The following SEC23IP variants were observed in gnomAD, a reference collection of about 807,000 sequenced individuals.
SEC23IP encodes SEC23-interacting protein.
Under a neutral mutation model 113.4 loss-of-function variants are expected in SEC23IP, and 70 were observed. The observed-to-expected ratio is 0.62, with a 90% confidence interval of 0.51 to 0.75. The LOEUF is 0.75. Among genes scored for constraint, SEC23IP ranks in the 30% least tolerant of loss-of-function variants. The pLI, the probability that SEC23IP is intolerant of heterozygous loss-of-function variation, is 0.00. For missense variants in SEC23IP, 1,160 were observed against 1,204.9 expected (o/e 0.96, Z 0.55); for synonymous variants, 398 against 421.0 (o/e 0.95, Z 0.67).
At chr10:119,908,816 G>C (rs769377091) in intron 4 of SEC23IP, among the ~76,000 whole-genome samples, 3 of 152,040 alleles carry the variant, frequency 2.0e-5, no homozygotes, top group Non-Finnish European at 2.9e-5. Flanking sequence ...TCTAAAACTT[G>C]GTTTTCTTCA....
At chr10:119,919,079 C>T (rs61867989) in intron 10 of SEC23IP, among the ~76,000 whole-genome samples, 5 of 149,268 alleles carry the variant, frequency 3.3e-5, no homozygotes, top group East Asian at 2.0e-4. Context: ...CTGCAACCTC[C>T]GCCTTTCGGT....
chr10:119,908,532 G>A (rs1854754362), intron 4 of SEC23IP, among the ~76,000 whole-genome samples: 1 of 152,198 alleles, frequency 6.6e-6, no homozygotes. Flanking sequence ...CTTGTGATGT[G>A]AAGACAGACA....
At chr10:119,898,049 GA>G (rs1254583324) in intron 1 of SEC23IP, among the ~76,000 whole-genome samples, 1 of 151,162 alleles carries the variant, frequency 6.6e-6, no homozygotes, top group Non-Finnish European at 1.5e-5. Flanking sequence ...AGTAAGTATA[GA>G]TTTTGTTTCT....
intron 18 of SEC23IP, among the ~76,000 whole-genome samples, chr10:119,938,292 G>A (rs990674748): frequency 6.6e-6 from 1 of 152,138 alleles, no homozygotes. Flanking sequence ...GATGATGCTG[G>A]TAGTGTGATT....
At chr10:119,907,533 C>T (rs1263068476) in intron 4 of SEC23IP, among the ~76,000 whole-genome samples, 1 of 152,182 alleles carries the variant, frequency 6.6e-6, no homozygotes, top group East Asian at 1.9e-4. Flanking sequence ...AATCTCTCCC[C>T]AAGAGGTCCT....
chr10:119,895,532 G>A (rs1172534544), intron 1 of SEC23IP, among the ~76,000 whole-genome samples: 1 of 152,228 alleles, frequency 6.6e-6, no homozygotes, highest in Non-Finnish European at 1.5e-5. Context: ...CTGTGATACA[G>A]GTTTAGAACA....
chr10:119,906,188 A>G (rs1379713381), intron 4 of SEC23IP, among the ~76,000 whole-genome samples: 1 of 150,716 alleles, frequency 6.6e-6, no homozygotes, highest in Non-Finnish European at 1.5e-5. Context: ...AGGCAGAGGC[A>G]GTAGGATTGC....
At chr10:119,932,882 C>A in intron 16 of SEC23IP, 123 bp from the exon 17 acceptor site, 1 of 779,564 alleles carries the variant, frequency 1.3e-6, no homozygotes, top group Non-Finnish European at 2.0e-6. Context: ...GGGAGTGAGC[C>A]TGGTAGCTCC....
intron 2 of SEC23IP, among the ~76,000 whole-genome samples, chr10:119,901,055 T>C (rs1412387526): frequency 8.3e-6 from 1 of 119,790 alleles, no homozygotes; most frequent in Non-Finnish European, 1.7e-5. Flanking sequence ...GGGGGGGGGG[T>C]CTTGCTCTGT....
chr10:119,926,276 A>G (rs1323226999), intron 13 of SEC23IP, 49 bp downstream of exon 13: 4 of 1,493,460 alleles, frequency 2.7e-6, no homozygotes, highest in Non-Finnish European at 3.6e-6. Flanking sequence ...TGGAATCATA[A>G]TCTTTATCAT....
rs1366816157 is a variant in SEC23IP at position 119,904,269 on chromosome 10, A to C, written c.1093A>C (p.Lys365Gln). The change falls in exon 4 of 19, where the codon AAA becomes CAA. Residue 365 changes from lysine to glutamine, a missense_variant. By Grantham distance (53) the Lys-to-Gln change is moderately conservative. Transcript: ENST00000369075. Reference protein sequence around the residue: ...FIPYTEEFSEKLEAEYKKAVT... With the variant: ...FIPYTEEFSEQLEAEYKKAVT... ...TCCCTATACTGAGGAGTTCAGTGAA[A>C]AACTAGAGGTACGGGTGCTTTATTT... 6.2e-7 allele frequency: 1 copy of C among 1,614,086 alleles called. No individual in the cohort carries two copies. Among genetic ancestry groups the C allele is most frequent in the African/African-American group, 1.3e-5 (1 of 75,062 alleles).
chr10:119,933,487 G>T (rs1855674451), intron 17 of SEC23IP, among the ~76,000 whole-genome samples, 199 bp from the exon 18 acceptor site: 1 of 152,132 alleles, frequency 6.6e-6, no homozygotes, highest in African/African-American at 2.4e-5. Context: ...AGCTATTTTG[G>T]AGCTAATCAG....
At chr10:119,932,345 T>C in intron 16 of SEC23IP, 27 bp downstream of exon 16, 3 of 1,543,350 alleles carry the variant, frequency 1.9e-6, no homozygotes, top group Non-Finnish European at 2.7e-6. Flanking sequence ...AGGCATTTTC[T>C]AATACAAATG....
chr10:119,919,923 C>T (rs1349363418), intron 11 of SEC23IP, among the ~76,000 whole-genome samples: 4 of 152,066 alleles, frequency 2.6e-5, no homozygotes, highest in African/African-American at 7.2e-5. Flanking sequence ...AAATCAGTTA[C>T]AGAAAGACCA....
In SEC23IP at chr10:119,919,538, T is replaced by G; in HGVS notation, c.1967T>G (p.Leu656Arg). ...ACTTTGCAAGAAACTCTGGAAGCAC[T>G]TAGCCTCTCTGAATATTTTAGCACT... ...VLTLQETLEA[L>R]SLSEYFSTFE... is the part of the protein sequence containing the mutation. The change falls in exon 11 of 19, where the codon CTT (leucine) becomes CGT (arginine). Residue 656 changes from leucine to arginine, a missense_variant. Coordinates refer to ENST00000369075, the MANE Select transcript of SEC23IP (RefSeq NM_007190.4). The G allele has an allele frequency of 6.2e-7, 1 of 1,613,846 alleles. No individual in the cohort carries two copies. The highest frequency in any genetic ancestry group is 8.5e-7 in the Non-Finnish European group (1 of 1,179,820).
intron 15 of SEC23IP, among the ~76,000 whole-genome samples, chr10:119,931,618 T>A (rs957791794): frequency 2.6e-5 from 4 of 150,998 alleles, no homozygotes; most frequent in Non-Finnish European, 5.9e-5. Flanking sequence ...AGTGGCACAA[T>A]CTTGGCTCAC....
At position 119,915,785 on chromosome 10, in the gene SEC23IP, G is replaced by C. The variant is rs1855031331; in HGVS notation, c.1440G>C (p.Arg480=). Reference sequence around the variant, plus strand: ...GGGTGGTTTCTCTCAAATTGCTGCGGACACATTTCAAGAAATCTTTAGATG... The same window carrying C: ...GGGTGGTTTCTCTCAAATTGCTGCGCACACATTTCAAGAAATCTTTAGATG... ...DFRVVSLKLL[R]THFKKSLDDG... is the part of the protein sequence containing the mutation. The change falls in exon 8 of 19, where the codon CGG becomes CGC. Residue 480 remains arginine (R), a synonymous_variant. Transcript: ENST00000369075. 1 of 1,600,770 alleles carries C rather than the reference G, an allele frequency of 6.2e-7. No homozygotes were observed.
rs59914110 is a variant in SEC23IP at position 119,906,283 on chromosome 10, GAAAAAAAA to G, written c.1101+2017_1101+2024del. 2.6e-5 allele frequency among the ~76,000 whole-genome samples: 3 copies of G among 114,836 alleles called. No homozygotes were observed. In the East Asian group the frequency reaches 7.2e-4, roughly 28 times the overall value. 75.3% of individuals were successfully genotyped at this position (114,836 alleles called of 152,430 possible). A position where few individuals can be genotyped will look rare whatever the true frequency, so the allele number is the denominator to read the frequency against. ...GGCAACAGAGCAAGACCTTGTCTCA[GAAAAAAAA>G]AAAAAAAAAAGAAACGGAGCTAAAC... On this transcript the variant is annotated intron_variant, in intron 4 of 18. Transcript: ENST00000369075.
In SEC23IP at chr10:119,914,141, CAA is replaced by C. The variant is rs151335645; in HGVS notation, c.1313-588_1313-587del. 3.0e-3 allele frequency among the ~76,000 whole-genome samples: 459 copies of C among 152,282 alleles called. 2 individuals carry two copies. Among genetic ancestry groups the C allele is most frequent in the African/African-American group, 0.011 (441 of 41,562 alleles). ...CGCCATTGCACTCTATCCCGGGCGACAAGAGTGAAACTCCATCTCCAAAACAA... is the reference window on the plus strand; with the variant it reads ...CGCCATTGCACTCTATCCCGGGCGACGAGTGAAACTCCATCTCCAAAACAA... On this transcript the variant is annotated intron_variant, in intron 6 of 18. Coordinates refer to ENST00000369075, the MANE Select transcript of SEC23IP (RefSeq NM_007190.4).
Sources: allele counts gnomAD v4.1 joint callset (sites outside exome capture counted in the v4.1 genomes callset), GRCh38; gene constraint gnomAD v4.1.1; transcripts MANE v1.5; gene names NCBI Gene and HGNC (gene_info 2026-07-23, HGNC 2026-07-21).